STK3: variants seen among roughly 807,000 people sequenced by gnomAD.
STK3 encodes the protein serine/threonine-protein kinase 3.
In STK3, 41 loss-of-function variants were observed where a neutral mutation model predicts 58.0. The observed-to-expected ratio is 0.71, with a 90% CI of 0.55 to 0.92. The LOEUF (loss-of-function observed/expected upper bound fraction) is 0.92. STK3 is among the 40% of genes least tolerant of loss of function. The probability of loss-of-function intolerance (pLI) is 0.00; values close to 1 mark genes in which losing one functional copy is unlikely to be tolerated. For synonymous variants in STK3, 170 were observed against 191.0 expected, an observed-to-expected ratio of 0.89 and a Z score of 0.91; for missense variants, 479 against 602.7, an observed-to-expected ratio of 0.79 and a Z score of 2.15.
At chr8:98,691,248 T>A (rs1216561169) in intron 6 of STK3, among the ~76,000 whole-genome samples, 1 of 152,206 alleles carries the variant, frequency 6.6e-6, no homozygotes, top group Non-Finnish European at 1.5e-5. Context: ...AAAATATTTT[T>A]AAAAAATAAT....
intron 3 of STK3, chr8:98,401,654 GT>G (rs1817945113): frequency 6.6e-6 from 1 of 152,212 alleles, no homozygotes; most frequent in African/African-American, 2.4e-5. Flanking sequence ...ATCTGAGTGG[GT>G]AGTAGACCAC....
At chr8:98,850,722 C>A (rs1173989176) in intron 3 of STK3, among the ~76,000 whole-genome samples, 1 of 152,150 alleles carries the variant, frequency 6.6e-6, no homozygotes, top group Non-Finnish European at 1.5e-5. Flanking sequence ...GCGTGGTGGG[C>A]AGCAAGAATG....
In STK3 at chr8:98,428,641, C is replaced by T; in HGVS notation, n.483+5486G>A. The T allele has an allele frequency of 6.2e-7, 1 of 1,614,194 alleles. No individual in the cohort carries two copies. Reference sequence around the variant, plus strand: ...CAAATCCCTGACAGCCAGGGCAACCCTGGCGAGGACCCTAGGTTCGAAATC... The same window carrying T: ...CAAATCCCTGACAGCCAGGGCAACCTTGGCGAGGACCCTAGGTTCGAAATC... On this transcript the variant is annotated intron_variant and non_coding_transcript_variant, in intron 3 of 3. Transcript: ENST00000517832. The surrounding 1 kb of genome is among the most constrained non-coding windows in gnomAD (Gnocchi z 6.7).
chr8:98,700,257 G>A (rs1011256097), intron 6 of STK3, among the ~76,000 whole-genome samples: 1 of 152,162 alleles, frequency 6.6e-6, no homozygotes, highest in Non-Finnish European at 1.5e-5. Context: ...GATTTTCCAG[G>A]TGCCGTCTGT....
intron 10 of STK3, among the ~76,000 whole-genome samples, chr8:98,467,168 C>T (rs1820534433): frequency 6.6e-6 from 1 of 152,120 alleles, no homozygotes. Flanking sequence ...CTGCAGGCAC[C>T]ACCATTCTCT....
chr8:98,530,613 T>C (rs1289049534), intron 9 of STK3, among the ~76,000 whole-genome samples: 2 of 152,162 alleles, frequency 1.3e-5, no homozygotes, highest in African/African-American at 4.8e-5. Context: ...CAGTTTGGGG[T>C]GGCTGTAGTG....
intron 7 of STK3, among the ~76,000 whole-genome samples, chr8:98,586,580 C>T (rs553204795): frequency 1.0e-4 from 15 of 149,430 alleles, no homozygotes; most frequent in South Asian, 6.5e-4. Flanking sequence ...TGTCTCTGCC[C>T]GGCTTTGGTA....
In STK3 at chr8:98,531,054, G is replaced by A. The variant is rs1826137175; in HGVS notation, c.1142-4137C>T. Among the ~76,000 whole-genome samples, 3 of 152,212 alleles carry A rather than the reference G, an allele frequency of 2.0e-5. No individual in the cohort carries two copies. The South Asian group carries it at 6.2e-4, about 31-fold the overall frequency. On this transcript the variant is annotated intron_variant, in intron 9 of 10. Transcript: ENST00000419617. ...TTTAACCCCTTAAAGTCATCCATGA[G>A]GGTTGGAATGGACTTCTTCCAACCT...
intron 1 of STK3, among the ~76,000 whole-genome samples, chr8:98,933,132 G>T (rs116953531): frequency 0.015 from 2,328 of 152,212 alleles, 25 homozygotes; most frequent in Middle Eastern, 0.031. Flanking sequence ...AACTCTGCAG[G>T]TTATTAGGTA....
rs543637706 is a variant in STK3, at chr8:98,896,197, T to G, written c.-78-12363A>C. 1.6e-4 allele frequency among the ~76,000 whole-genome samples: 24 copies of G among 152,232 alleles called. No homozygotes were observed. The South Asian group carries it at 5.0e-3, about 32-fold the overall frequency. ...AATTGCAACAGTACCCTAACACCCC[T>G]CTCAGATCCAATCTACAAACTAGTA... On this transcript the variant is annotated intron_variant, in intron 1 of 1. Coordinates refer to the STK3 transcript ENST00000519420.
intron 1 of STK3, among the ~76,000 whole-genome samples, chr8:98,896,248 A>G (rs1359269598): frequency 6.6e-6 from 1 of 152,188 alleles, no homozygotes; most frequent in Non-Finnish European, 1.5e-5. Flanking sequence ...TAAAGCATCA[A>G]ATTCACGAGA....
chr8:98,828,977 C>G (rs1835429502), upstream of STK3, among the ~76,000 whole-genome samples: 1 of 152,202 alleles, frequency 6.6e-6, no homozygotes, highest in Admixed American at 6.5e-5. Flanking sequence ...CCTTTTGGTC[C>G]TGCAGATTCA....
chr8:98,813,976 T>A (rs1368227558), intron 1 of STK3, among the ~76,000 whole-genome samples: 2 of 152,048 alleles, frequency 1.3e-5, no homozygotes, highest in African/African-American at 4.8e-5. Context: ...TACATTTTAA[T>A]CCAGTTCGTT....
intron 6 of STK3, among the ~76,000 whole-genome samples, chr8:98,678,071 TAGAA>T (rs1317661379): frequency 6.6e-6 from 1 of 152,236 alleles, no homozygotes; most frequent in Non-Finnish European, 1.5e-5. Context: ...ATTGTACTGA[TAGAA>T]GGAAGTATCT....
intron 8 of STK3, among the ~76,000 whole-genome samples, chr8:98,550,387 T>C (rs1305743540): frequency 2.0e-5 from 3 of 152,172 alleles, no homozygotes; most frequent in African/African-American, 7.2e-5. Flanking sequence ...ACTTATTACG[T>C]AAATACTTAA....
At chr8:98,633,720 G>A in intron 6 of STK3, 6 of 668,060 alleles carry the variant, frequency 9.0e-6, no homozygotes, top group East Asian at 2.9e-5. Flanking sequence ...GACATCTGGA[G>A]GATCTGTTGA....
intron 8 of STK3, among the ~76,000 whole-genome samples, chr8:98,568,063 TGATAGATAGATAGATA>T (rs10528436): frequency 2.7e-4 from 40 of 146,578 alleles, no homozygotes; most frequent in South Asian, 4.5e-4. Context: ...CTTAGATAGA[TGATAGATAGATAGATA>T]GATAGATAGA....
chr8:98,793,185 G>A (rs1726486014), intron 1 of STK3, among the ~76,000 whole-genome samples: 1 of 152,054 alleles, frequency 6.6e-6, no homozygotes, highest in Non-Finnish European at 1.5e-5. Flanking sequence ...GGGAAAGGGT[G>A]GGAAGCGGAT....
intron 1 of STK3, among the ~76,000 whole-genome samples, chr8:98,442,836 T>C (rs1324783732): frequency 6.6e-6 from 1 of 152,230 alleles, no homozygotes; most frequent in African/African-American, 2.4e-5. Flanking sequence ...CTGAGGATTG[T>C]ATGTATTCTA....
Sources: gnomAD v4.1 joint callset for allele counts (sites outside exome capture counted in the v4.1 genomes callset) on GRCh38, gnomAD v4.1.1 for gene constraint, Gnocchi (gnomAD v3.1) non-coding constraint, MANE v1.5 for transcripts, NCBI Gene and HGNC (gene_info 2026-07-23, HGNC 2026-07-21) for gene names.